The following STX5 variants were observed in gnomAD, a reference collection of about 807,000 sequenced individuals.
The protein encoded by STX5 is syntaxin 5.
A neutral mutation model predicts 42.9 loss-of-function variants in STX5; 15 were observed. The ratio of observed to expected loss-of-function variants is 0.35; its 90% CI spans 0.23 to 0.54. The LOEUF is 0.54. STX5 is among the 20% of genes least tolerant of loss of function. The probability of loss-of-function intolerance (pLI) is 0.91; values close to 1 mark genes in which losing one functional copy is unlikely to be tolerated. For missense variants in STX5, 430 were observed against 455.0 expected (o/e 0.95, Z 0.50); for synonymous variants, 184 against 173.2 (o/e 1.06, Z -0.49).
chr11:62,810,103 CAAAA>C (rs11405544), intron 10 of STX5, among the ~76,000 whole-genome samples: 2 of 97,606 alleles, frequency 2.0e-5, no homozygotes, highest in African/African-American at 3.8e-5. Context: ...GACTCCATCT[CAAAA>C]AAAAAAAAAA....
At chr11:62,812,983 G>C (rs1021494068) in intron 10 of STX5, among the ~76,000 whole-genome samples, 4 of 151,346 alleles carry the variant, frequency 2.6e-5, no homozygotes, top group Non-Finnish European at 4.4e-5. Context: ...ATGGTGGCTC[G>C]TGCCTGTAGT....
intron 10 of STX5, among the ~76,000 whole-genome samples, chr11:62,812,277 A>G (rs907411326): frequency 6.0e-5 from 9 of 151,202 alleles, no homozygotes; most frequent in Admixed American, 1.3e-4. Context: ...GGGTTTCTCC[A>G]TGTTGGTCAG....
At position 62,820,367 on chromosome 11, in the gene STX5, CA is replaced by C. The variant is rs112508665; in HGVS notation, c.908+3798del. The stretch of plus-strand genomic sequence containing the variant: ...CTGGTAACACGACGAGACTCTGTCT[CA>C]AAAAAAAAAAAAGGGCGGAATCTGG... On this transcript the variant is annotated intron_variant, in intron 10 of 10. Transcript: ENST00000294179. 2.4e-3 allele frequency among the ~76,000 whole-genome samples: 289 copies of C among 121,662 alleles called. 1 individual carries two copies. The highest frequency in any genetic ancestry group is 9.0e-3 in the Middle Eastern group (2 of 222). 79.8% of individuals were successfully genotyped at this position (121,662 alleles called of 152,430 possible).
chr11:62,815,139 C>A (rs1181827946), intron 10 of STX5, among the ~76,000 whole-genome samples: 1 of 151,786 alleles, frequency 6.6e-6, no homozygotes, highest in Non-Finnish European at 1.5e-5. Context: ...TCCCGAGTAG[C>A]TGGGACTACA....
chr11:62,811,942 C>A (rs1020531605), intron 10 of STX5, among the ~76,000 whole-genome samples: 10 of 152,120 alleles, frequency 6.6e-5, no homozygotes, highest in Admixed American at 1.3e-4. Flanking sequence ...GTTTGCTAAA[C>A]CAATGAGCAA....
chr11:62,818,106 G>A (rs1020224142), intron 10 of STX5, among the ~76,000 whole-genome samples: 5 of 151,878 alleles, frequency 3.3e-5, no homozygotes, highest in Non-Finnish European at 4.4e-5. Context: ...TTAGCCAGGC[G>A]TGGTGGCGGG....
intron 10 of STX5, among the ~76,000 whole-genome samples, chr11:62,820,239 G>T (rs1299079985): frequency 6.6e-6 from 1 of 151,126 alleles, no homozygotes; most frequent in African/African-American, 2.4e-5. Flanking sequence ...GGGCGTGGTG[G>T]CGGGAGCCTG....
intron 10 of STX5, among the ~76,000 whole-genome samples, chr11:62,813,444 T>C (rs766434511): frequency 1.3e-4 from 20 of 152,294 alleles, no homozygotes; most frequent in Non-Finnish European, 2.2e-4. Flanking sequence ...CCCTATGGAA[T>C]TTGTAAAAAT....
intron 10 of STX5, among the ~76,000 whole-genome samples, chr11:62,818,565 G>GAAAAAAAAAAAAA (rs1307603732): frequency 6.5e-5 from 6 of 92,754 alleles, no homozygotes; most frequent in East Asian, 6.2e-4. Context: ...CTCTGTCTCA[G>GAAAAAAAAAAAAA]AAAAAAAAAA....
chr11:62,808,035 TA>T (rs2084572245), intron 10 of STX5: 1 of 165,526 alleles, frequency 6.0e-6, no homozygotes, highest in Non-Finnish European at 1.3e-5. Context: ...ATATTTATTG[TA>T]AGGGGAAAAA....
chr11:62,812,886 G>A (rs1339059122), intron 10 of STX5, among the ~76,000 whole-genome samples: 2 of 151,552 alleles, frequency 1.3e-5, no homozygotes, highest in Non-Finnish European at 2.9e-5. Context: ...GCCGAGGTGG[G>A]CGGATCACGA....
chr11:62,818,173 A>G (rs2084696186), intron 10 of STX5, among the ~76,000 whole-genome samples: 1 of 145,040 alleles, frequency 6.9e-6, no homozygotes, highest in African/African-American at 2.5e-5. Context: ...TGAATCCAGG[A>G]GGCAGAGGTT....
chr11:62,824,296 G>A lies in STX5; in HGVS notation c.787-9C>T, dbSNP rs1379789037. 1.9e-6 allele frequency: 3 copies of A among 1,614,084 alleles called. No homozygotes were observed. Among genetic ancestry groups the A allele is most frequent in the Admixed American group, 1.7e-5 (1 of 59,986 alleles). On this transcript the variant is annotated splice_polypyrimidine_tract_variant and intron_variant, in intron 9 of 10. Transcript: ENST00000294179. ...CTCTGGATGTAGGAATCCTTCAGGA[G>A]AGGGAGAGAGCACATGAGCACCAAC...
At chr11:62,820,538 A>G (rs2084729592) in intron 10 of STX5, among the ~76,000 whole-genome samples, 1 of 143,062 alleles carries the variant, frequency 7.0e-6, no homozygotes, top group Non-Finnish European at 1.5e-5. Flanking sequence ...TTTTTTTGAG[A>G]TGGAGTCTCA....
chr11:62,830,083 AAAAGAG>A (rs1412670806), intron 2 of STX5, among the ~76,000 whole-genome samples: 247 of 150,660 alleles, frequency 1.6e-3, no homozygotes, highest in South Asian at 0.015. Flanking sequence ...AAAAAAAAAA[AAAAGAG>A]AGAGAGGAAG....
intron 10 of STX5, among the ~76,000 whole-genome samples, chr11:62,821,363 A>G (rs2084738382): frequency 6.6e-6 from 1 of 152,088 alleles, no homozygotes; most frequent in Non-Finnish European, 1.5e-5. Flanking sequence ...CCTTTATTCT[A>G]CAGTTAAATT....
Position 62,807,362 on chromosome 11 carries a change from C to G in STX5, c.*107G>C. 4 of 1,472,436 alleles carry G rather than the reference C, an allele frequency of 2.7e-6. No homozygotes were observed. The highest frequency in any genetic ancestry group is 3.6e-6 in the Non-Finnish European group (4 of 1,105,316). The allele number at this position is 1,472,436 out of a possible 1,614,324, so 91.2% of individuals were successfully genotyped here. Reference sequence around the variant, plus strand: ...GTCATTCTTAGCAGTTCCAGGGAAACAGGGCCTTTCTCCCAAGTACCCTGC... The same window carrying G: ...GTCATTCTTAGCAGTTCCAGGGAAAGAGGGCCTTTCTCCCAAGTACCCTGC... On this transcript the variant is annotated 3_prime_UTR_variant, in exon 11 of 11. Transcript: ENST00000294179.
chr11:62,823,482 C>T (rs998564761), intron 10 of STX5, among the ~76,000 whole-genome samples: 2 of 151,772 alleles, frequency 1.3e-5, no homozygotes, highest in African/African-American at 4.8e-5. Flanking sequence ...ACTTTCTTAA[C>T]ACATCATCCT....
chr11:62,820,480 A>C (rs2134835628), intron 10 of STX5, among the ~76,000 whole-genome samples: 1 of 151,232 alleles, frequency 6.6e-6, no homozygotes, highest in African/African-American at 2.4e-5. Context: ...AATTTTTAAT[A>C]AGGTTGGATT....
Sources: allele counts gnomAD v4.1 joint callset (sites outside exome capture counted in the v4.1 genomes callset), GRCh38; gene constraint gnomAD v4.1.1; transcripts MANE v1.5; gene names NCBI Gene and HGNC (gene_info 2026-07-23, HGNC 2026-07-21).